GPM6A: variants seen among roughly 807,000 people sequenced by gnomAD.
GPM6A encodes the protein neuronal membrane glycoprotein M6-a.
A neutral mutation model predicts 32.1 loss-of-function variants in GPM6A; 7 were observed. The ratio of observed to expected loss-of-function variants is 0.22; its 90% CI spans 0.12 to 0.41. The LOEUF (loss-of-function observed/expected upper bound fraction) is 0.41, where lower values mean the gene tolerates loss of function less well. Ranked by LOEUF, GPM6A falls within the 10% of genes least tolerant of loss-of-function variation. The probability of loss-of-function intolerance (pLI) is 1.00; values close to 1 mark genes in which losing one functional copy is unlikely to be tolerated. For missense variants in GPM6A, 235 were observed against 347.2 expected, an observed-to-expected ratio of 0.68 and a Z score of 2.57; for synonymous variants, 130 against 123.4, an observed-to-expected ratio of 1.05 and a Z score of -0.35.
intron 2 of GPM6A, among the ~76,000 whole-genome samples, chr4:175,677,650 A>G (rs1303864303): frequency 1.3e-5 from 2 of 152,228 alleles, no homozygotes; most frequent in Non-Finnish European, 2.9e-5. Context: ...TCTAAAAACT[A>G]ATTATTGCTC....
At chr4:175,670,301 AT>A (rs1445806345) in intron 3 of GPM6A, among the ~76,000 whole-genome samples, 4 of 152,232 alleles carry the variant, frequency 2.6e-5, no homozygotes, top group African/African-American at 7.2e-5. Flanking sequence ...GTATAGATAA[AT>A]TCTGAGATCC....
At chr4:175,726,154 A>T (rs887089838) in intron 1 of GPM6A, among the ~76,000 whole-genome samples, 1 of 65,120 alleles carries the variant, frequency 1.5e-5, no homozygotes, top group African/African-American at 5.4e-5. Flanking sequence ...CACCACGACC[A>T]GCTAATTTTT....
intron 1 of GPM6A, among the ~76,000 whole-genome samples, chr4:175,801,511 C>T: frequency 6.6e-6 from 1 of 151,888 alleles, no homozygotes; most frequent in East Asian, 1.9e-4. Flanking sequence ...CTATTAATAC[C>T]TAAAGGCTGA....
At chr4:175,747,982 T>C (rs1028788754) in intron 1 of GPM6A, among the ~76,000 whole-genome samples, 1 of 152,204 alleles carries the variant, frequency 6.6e-6, no homozygotes, top group African/African-American at 2.4e-5. Context: ...GAATAGATTC[T>C]ATCTCAAGAA....
intron 1 of GPM6A, among the ~76,000 whole-genome samples, chr4:175,921,547 C>CAT (rs1738670146): frequency 6.6e-6 from 1 of 151,958 alleles, no homozygotes; most frequent in Admixed American, 6.6e-5. Context: ...AATAAGATTA[C>CAT]ATAATCATAA....
At chr4:175,640,879 C>T (rs753288007) in intron 4 of GPM6A, 50 bp from the exon 5 acceptor site, 3 of 1,179,960 alleles carry the variant, frequency 2.5e-6, no homozygotes, top group Non-Finnish European at 2.5e-6. Context: ...TTTTGAAGAG[C>T]CAAGAGAGAA....
At chr4:175,881,758 G>T (rs994210304) in intron 1 of GPM6A, among the ~76,000 whole-genome samples, 1 of 151,474 alleles carries the variant, frequency 6.6e-6, no homozygotes, top group Non-Finnish European at 1.5e-5. Context: ...AAAACCAAAC[G>T]CATGTTCTCA....
intron 1 of GPM6A, among the ~76,000 whole-genome samples, chr4:175,995,074 C>T (rs972740167): frequency 2.0e-5 from 3 of 152,186 alleles, no homozygotes; most frequent in African/African-American, 7.2e-5. Flanking sequence ...AGTTCTCTTG[C>T]TATTTCTACC....
intron 1 of GPM6A, among the ~76,000 whole-genome samples, chr4:175,952,350 G>T (rs2126377754): frequency 6.6e-6 from 1 of 152,282 alleles, no homozygotes; most frequent in African/African-American, 2.4e-5. Context: ...AAGGAGTCTA[G>T]TGGAGTTCTA....
At chr4:175,697,673 A>G (rs1744655372) in intron 2 of GPM6A, among the ~76,000 whole-genome samples, 1 of 152,190 alleles carries the variant, frequency 6.6e-6, no homozygotes, top group South Asian at 2.1e-4. Context: ...TAAAAGTTAT[A>G]CAAATGACTA....
intron 2 of GPM6A, among the ~76,000 whole-genome samples, chr4:175,677,502 GA>G (rs1320332668): frequency 6.6e-6 from 1 of 151,728 alleles, no homozygotes; most frequent in Non-Finnish European, 1.5e-5. Flanking sequence ...TGGGGGGGAA[GA>G]AAAAAAGAAA....
chr4:175,713,034 T>C (rs1745641949), intron 1 of GPM6A, among the ~76,000 whole-genome samples: 1 of 152,128 alleles, frequency 6.6e-6, no homozygotes, highest in South Asian at 2.1e-4. Flanking sequence ...ATCCAAAGAA[T>C]AGTAGACTAA....
chr4:175,637,260 ATATATAT>A (rs1388120726), intron 6 of GPM6A, among the ~76,000 whole-genome samples: 7,249 of 33,778 alleles, frequency 0.21, 622 homozygotes, highest in East Asian at 0.47. Flanking sequence ...ATAATATAAA[ATATATAT>A]TATATATTAT....
intron 1 of GPM6A, among the ~76,000 whole-genome samples, chr4:175,857,026 A>C (rs902901340): frequency 6.6e-6 from 1 of 152,166 alleles, no homozygotes; most frequent in Non-Finnish European, 1.5e-5. Context: ...TCTTCTACCC[A>C]GTATTTCCCT....
chr4:175,960,087 C>T (rs931494635), intron 1 of GPM6A, among the ~76,000 whole-genome samples: 3 of 152,074 alleles, frequency 2.0e-5, no homozygotes, highest in Non-Finnish European at 4.4e-5. Flanking sequence ...TGAATAGGAC[C>T]AAATCATAGT....
intron 3 of GPM6A, among the ~76,000 whole-genome samples, chr4:175,659,960 A>G (rs1370667050): frequency 6.6e-6 from 1 of 152,220 alleles, no homozygotes; most frequent in Non-Finnish European, 1.5e-5. Context: ...TATGACAAAT[A>G]AAAGGCAACT....
upstream of GPM6A, among the ~76,000 whole-genome samples, chr4:175,815,120 C>T (rs1189745075): frequency 6.6e-6 from 1 of 152,100 alleles, no homozygotes; most frequent in East Asian, 1.9e-4. Context: ...GAGCAATTCT[C>T]CTGCCTCAGC....
chr4:175,691,045 C>T (rs1744269375), intron 2 of GPM6A, among the ~76,000 whole-genome samples: 1 of 152,152 alleles, frequency 6.6e-6, no homozygotes, highest in Non-Finnish European at 1.5e-5. Flanking sequence ...TGACTTAATT[C>T]TCTTCTTTGT....
intron 1 of GPM6A, among the ~76,000 whole-genome samples, chr4:175,961,764 C>T (rs1013295530): frequency 1.3e-5 from 2 of 152,126 alleles, no homozygotes; most frequent in Admixed American, 1.3e-4. Flanking sequence ...TCAGCAAGAC[C>T]TACCCTCAAG....
Sources: allele counts gnomAD v4.1 joint callset (sites outside exome capture counted in the v4.1 genomes callset), GRCh38; gene constraint gnomAD v4.1.1; transcripts MANE v1.5; gene names NCBI Gene and HGNC (gene_info 2026-07-23, HGNC 2026-07-21).